The following DPP10 variants were observed in gnomAD, a reference collection of about 807,000 sequenced individuals.
DPP10 encodes the protein dipeptidyl peptidase like 10, also known as inactive dipeptidyl peptidase 10.
In DPP10, 33 loss-of-function variants were observed where a neutral mutation model predicts 120.9. That is an observed-to-expected ratio of 0.27 (90% CI 0.21 to 0.37). The LOEUF (loss-of-function observed/expected upper bound fraction) is 0.37, where lower values mean the gene tolerates loss of function less well. Ranked by LOEUF, DPP10 falls within the 10% of genes least tolerant of loss-of-function variation. The pLI, the probability that DPP10 is intolerant of heterozygous loss-of-function variation, is 1.00. For missense variants in DPP10, 816 were observed against 942.8 expected (o/e 0.87, Z 1.76); for synonymous variants, 337 against 326.1 (o/e 1.03, Z -0.36).
intron 5 of DPP10, among the ~76,000 whole-genome samples, chr2:115,667,347 T>A (rs976330652): frequency 2.6e-5 from 4 of 152,156 alleles, no homozygotes; most frequent in Non-Finnish European, 4.4e-5. Context: ...ACTCTTCAGT[T>A]TAATTAAATC....
intron 13 of DPP10, among the ~76,000 whole-genome samples, chr2:115,774,214 A>ACT (rs1265321719): frequency 7.0e-6 from 1 of 143,760 alleles, no homozygotes; most frequent in Non-Finnish European, 1.6e-5. Flanking sequence ...ACACATACAC[A>ACT]CACACACACA....
rs6755235 is a variant in DPP10, at chr2:115,797,904, G to C, written c.1700+6548G>C. Among the ~76,000 whole-genome samples the C allele has an allele frequency of 5.3e-3, 805 of 150,942 alleles. 9 individuals are homozygous for C. The highest frequency in any genetic ancestry group is 0.019 in the African/African-American group (775 of 41,204). ...AATGCCTAAGCTATAATATTTGTTT[G>C]GTGTTTATTTTAACTGGAATATATA... On this transcript the variant is annotated intron_variant, in intron 19 of 25. Transcript: ENST00000410059.
At chr2:115,438,790 AGTG>A (rs2071747520) in intron 3 of DPP10, among the ~76,000 whole-genome samples, 2 of 150,182 alleles carry the variant, frequency 1.3e-5, no homozygotes, top group Non-Finnish European at 3.0e-5. Context: ...AATGTGGAAT[AGTG>A]GCTAAGATGG....
intron 1 of DPP10, among the ~76,000 whole-genome samples, chr2:114,888,121 C>T (rs11900396): frequency 0.028 from 3,929 of 138,090 alleles, 176 homozygotes; most frequent in African/African-American, 0.1. Flanking sequence ...CCAGCCTGGG[C>T]GACAGAGCGA....
At chr2:114,843,867 T>A (rs1044271365) in intron 1 of DPP10, among the ~76,000 whole-genome samples, 1 of 152,182 alleles carries the variant, frequency 6.6e-6, no homozygotes, top group African/African-American at 2.4e-5. Flanking sequence ...TCCCAAGACA[T>A]GTTTGTAGCC....
At chr2:115,586,904 C>CATGT (rs2082321095) in intron 5 of DPP10, among the ~76,000 whole-genome samples, 1 of 151,934 alleles carries the variant, frequency 6.6e-6, no homozygotes, top group Non-Finnish European at 1.5e-5. Context: ...ATTAAAACTG[C>CATGT]ATGTATTCTA....
chr2:114,561,753 T>C (rs973140957), intron 1 of DPP10, among the ~76,000 whole-genome samples: 3 of 152,144 alleles, frequency 2.0e-5, no homozygotes, highest in African/African-American at 7.2e-5. Flanking sequence ...AAATATGCCA[T>C]CTGGGGGATG....
At chr2:115,212,061 A>G (rs934265306) in intron 1 of DPP10, among the ~76,000 whole-genome samples, 6 of 152,170 alleles carry the variant, frequency 3.9e-5, no homozygotes, top group East Asian at 1.9e-4. Flanking sequence ...TTACTTCTCA[A>G]TGAAGCTCTG....
chr2:114,459,585 G>A (rs1444602600), intron 1 of DPP10, among the ~76,000 whole-genome samples: 1 of 152,094 alleles, frequency 6.6e-6, no homozygotes, highest in Admixed American at 6.6e-5. Flanking sequence ...GGATCTCGAA[G>A]GGAATTATCC....
intron 1 of DPP10, among the ~76,000 whole-genome samples, chr2:115,034,295 C>A (rs909553049): frequency 1.3e-5 from 2 of 151,930 alleles, no homozygotes; most frequent in Non-Finnish European, 2.9e-5. Flanking sequence ...CCTCTCTCTC[C>A]CCTTAAGTGT....
intron 1 of DPP10, among the ~76,000 whole-genome samples, chr2:115,084,809 T>C (rs1254886201): frequency 6.6e-6 from 1 of 152,200 alleles, no homozygotes; most frequent in Non-Finnish European, 1.5e-5. Flanking sequence ...TTAAGTTGTG[T>C]GAGGCTGATA....
chr2:114,509,236 C>T (rs1388011800), intron 1 of DPP10, among the ~76,000 whole-genome samples: 1 of 152,194 alleles, frequency 6.6e-6, no homozygotes, highest in East Asian at 1.9e-4. Flanking sequence ...CTAGGTTCAG[C>T]AGGCTTTTGT....
At chr2:114,455,878 G>A (rs1678556791) in intron 1 of DPP10, among the ~76,000 whole-genome samples, 1 of 151,932 alleles carries the variant, frequency 6.6e-6, no homozygotes. Flanking sequence ...AATTTTAAGG[G>A]CTTAATTTTT....
intron 1 of DPP10, among the ~76,000 whole-genome samples, chr2:114,481,635 G>A (rs1681052554): frequency 6.6e-6 from 1 of 152,082 alleles, no homozygotes; most frequent in South Asian, 2.1e-4. Flanking sequence ...GGAAAGAGAT[G>A]GACAAGCAAC....
At chr2:115,466,654 A>G (rs2074343978) in intron 3 of DPP10, among the ~76,000 whole-genome samples, 1 of 152,166 alleles carries the variant, frequency 6.6e-6, no homozygotes, top group Non-Finnish European at 1.5e-5. Flanking sequence ...AGGGTTACAT[A>G]ATAAAATATT....
chr2:114,455,156 T>TTTTGTCTGTGTGTG (rs1553443770), intron 1 of DPP10, among the ~76,000 whole-genome samples: 26 of 147,492 alleles, frequency 1.8e-4, no homozygotes, highest in African/African-American at 6.5e-4. Context: ...TTTCTTTCTA[T>TTTTGTCTGTGTGTG]TGTGTGTGTG....
At chr2:114,464,193 C>T in intron 1 of DPP10, among the ~76,000 whole-genome samples, 1 of 152,188 alleles carries the variant, frequency 6.6e-6, no homozygotes, top group East Asian at 1.9e-4. Flanking sequence ...TCTAAACTGT[C>T]TTTCGAAGTG....
At chr2:114,742,923 C>T (rs543481982) in intron 1 of DPP10, among the ~76,000 whole-genome samples, 79 of 152,282 alleles carry the variant, frequency 5.2e-4, no homozygotes, top group Non-Finnish European at 7.9e-4. Context: ...CTTGCCATAT[C>T]GTGTGGACAA....
intron 1 of DPP10, among the ~76,000 whole-genome samples, chr2:115,078,599 C>T (rs997152907): frequency 7.2e-5 from 11 of 152,018 alleles, no homozygotes; most frequent in Admixed American, 2.0e-4. Context: ...CTAAACAATA[C>T]GTAGAGTCTA....
Sources: gnomAD v4.1 joint callset for allele counts (sites outside exome capture counted in the v4.1 genomes callset) on GRCh38, gnomAD v4.1.1 for gene constraint, MANE v1.5 for transcripts, NCBI Gene and HGNC (gene_info 2026-07-23, HGNC 2026-07-21) for gene names.